The following FBXW7 variants were observed in gnomAD, a reference collection of about 807,000 sequenced individuals.
FBXW7 encodes the protein F-box/WD repeat-containing protein 7.
In FBXW7, 11 loss-of-function variants were observed where a neutral mutation model predicts 86.3. That is an observed-to-expected ratio of 0.13 (90% CI 0.08 to 0.21). FBXW7 has a LOEUF of 0.21. FBXW7 is among the 10% of genes least tolerant of loss of function. The probability of loss-of-function intolerance (pLI) is 1.00; values close to 1 mark genes in which losing one functional copy is unlikely to be tolerated. For synonymous variants in FBXW7, 313 were observed against 297.9 expected (o/e 1.05, Z -0.52); for missense variants, 488 against 847.4 (o/e 0.58, Z 5.27).
At chr4:152,496,919 T>C (rs1746401093) in intron 2 of FBXW7, among the ~76,000 whole-genome samples, 2 of 152,098 alleles carry the variant, frequency 1.3e-5, no homozygotes, top group South Asian at 4.1e-4. Context: ...CTATTAAAAT[T>C]AACACAATAT....
At chr4:152,524,930 AC>A (rs1749371458) in intron 2 of FBXW7, among the ~76,000 whole-genome samples, 1 of 152,188 alleles carries the variant, frequency 6.6e-6, no homozygotes, top group African/African-American at 2.4e-5. Flanking sequence ...CAATTAAGAG[AC>A]CACCAATCAT....
chr4:152,492,217 T>C (rs1327367076), intron 2 of FBXW7, among the ~76,000 whole-genome samples: 1 of 152,240 alleles, frequency 6.6e-6, no homozygotes, highest in Non-Finnish European at 1.5e-5. Flanking sequence ...CATTTGCCAT[T>C]CTGTAGTTCT....
chr4:152,372,040 T>A (rs2126739691), intron 4 of FBXW7, among the ~76,000 whole-genome samples: 1 of 151,988 alleles, frequency 6.6e-6, no homozygotes, highest in Middle Eastern at 3.4e-3. Flanking sequence ...ACTGGGACAA[T>A]TAAAAAAAAT....
chr4:152,408,363 A>G (rs1318338939), intron 4 of FBXW7, among the ~76,000 whole-genome samples: 1 of 152,220 alleles, frequency 6.6e-6, no homozygotes, highest in Non-Finnish European at 1.5e-5. Context: ...AAAATATGAT[A>G]AGGATGTTGA....
chr4:152,530,033 G>A (rs1187915320), intron 2 of FBXW7, among the ~76,000 whole-genome samples: 12 of 147,734 alleles, frequency 8.1e-5, no homozygotes, highest in Non-Finnish European at 3.0e-5. Flanking sequence ...TCCAGCCTGG[G>A]TGACAGAATG....
intron 2 of FBXW7, among the ~76,000 whole-genome samples, chr4:152,493,692 G>A (rs1746065571): frequency 6.6e-6 from 1 of 152,180 alleles, no homozygotes; most frequent in Non-Finnish European, 1.5e-5. Flanking sequence ...TGAGGACACA[G>A]CAAGAAGGCA....
chr4:152,455,999 G>A (rs1742369169), intron 2 of FBXW7, among the ~76,000 whole-genome samples: 1 of 151,738 alleles, frequency 6.6e-6, no homozygotes, highest in Non-Finnish European at 1.5e-5. Context: ...CATCTTTCAG[G>A]GGTCATTATT....
intron 2 of FBXW7, among the ~76,000 whole-genome samples, chr4:152,483,435 G>A (rs529761276): frequency 6.6e-6 from 1 of 151,324 alleles, no homozygotes; most frequent in Non-Finnish European, 1.5e-5. Context: ...TGGGCGTGGT[G>A]GCTAACACCT....
rs1728507086 is a variant in FBXW7 at position 152,320,738 on chromosome 4, G to A, written c.*2143C>T. Reference sequence around the variant, plus strand: ...ATGTATTTAGTCTTTGGAAATATGGGTTTGAGTTCTGGCATTCCGCTAGTT... The same window carrying A: ...ATGTATTTAGTCTTTGGAAATATGGATTTGAGTTCTGGCATTCCGCTAGTT... On this transcript the variant is annotated 3_prime_UTR_variant, in exon 14 of 14. Transcript: ENST00000281708. 1 of 151,994 alleles carries A rather than the reference G, an allele frequency of 6.6e-6. No individual in the cohort carries two copies. The highest frequency in any genetic ancestry group is 2.4e-5 in the African/African-American group (1 of 41,386). 9.4% of individuals were successfully genotyped at this position (151,994 alleles called of 1,614,324 possible).
chr4:152,498,706 A>G (rs553364687), intron 2 of FBXW7, among the ~76,000 whole-genome samples: 5 of 152,320 alleles, frequency 3.3e-5, no homozygotes, highest in Admixed American at 1.3e-4. Context: ...AATTCAGAGG[A>G]AGAAAAAAAT....
intron 10 of FBXW7, among the ~76,000 whole-genome samples, chr4:152,329,318 T>C (rs904027360): frequency 1.3e-5 from 2 of 151,860 alleles, no homozygotes; most frequent in Non-Finnish European, 2.9e-5. Context: ...AACCATACTT[T>C]TGAAAAACAT....
intron 13 of FBXW7, 29 bp from the exon 14 acceptor site, chr4:152,323,178 C>T (rs1417174834): frequency 6.2e-7 from 1 of 1,604,118 alleles, no homozygotes; most frequent in Non-Finnish European, 8.5e-7. Flanking sequence ...AATTTAATTA[C>T]TGGTTAGAAA....
At chr4:152,374,834 T>C (rs747293554) in intron 4 of FBXW7, among the ~76,000 whole-genome samples, 18 of 151,402 alleles carry the variant, frequency 1.2e-4, no homozygotes, top group Non-Finnish European at 2.2e-4. Flanking sequence ...GGAAAGGATG[T>C]AGAAAAACAG....
chr4:152,452,178 A>G (rs1741967075), intron 2 of FBXW7, among the ~76,000 whole-genome samples: 1 of 152,200 alleles, frequency 6.6e-6, no homozygotes, highest in African/African-American at 2.4e-5. Context: ...AATAAATTTA[A>G]TAAATGAAAA....
intron 2 of FBXW7, among the ~76,000 whole-genome samples, chr4:152,432,953 CATCATTTT>C (rs1740048185): frequency 6.6e-6 from 1 of 152,118 alleles, no homozygotes; most frequent in Admixed American, 6.5e-5. Flanking sequence ...GATTTTGAAA[CATCATTTT>C]TATATGATGT....
At chr4:152,484,143 A>G (rs911874806) in intron 2 of FBXW7, among the ~76,000 whole-genome samples, 14 of 152,154 alleles carry the variant, frequency 9.2e-5, no homozygotes, top group Non-Finnish European at 1.9e-4. Context: ...TATTTTCTTC[A>G]TACAAATCCT....
In FBXW7 at chr4:152,535,047, G is replaced by C. The variant is rs1338670290; in HGVS notation, c.-212-14C>G. The C allele has an allele frequency of 1.3e-5, 2 of 152,362 alleles. No homozygotes were observed. Among genetic ancestry groups the C allele is most frequent in the African/African-American group, 4.8e-5 (2 of 41,454 alleles). The allele number at this position is 152,362 out of a possible 1,614,324, so 9.4% of individuals were successfully genotyped here. On this transcript the variant is annotated splice_polypyrimidine_tract_variant and intron_variant, in intron 1 of 13. Transcript: ENST00000281708. ...TCCGGCGCGGTACTGAGGAAGAAGCGGTGCTCGTGTCGCTAAACCAGGCGG... is the reference window on the plus strand; with the variant it reads ...TCCGGCGCGGTACTGAGGAAGAAGCCGTGCTCGTGTCGCTAAACCAGGCGG...
chr4:152,367,213 C>T (rs1285355018), intron 4 of FBXW7, among the ~76,000 whole-genome samples: 1 of 152,030 alleles, frequency 6.6e-6, no homozygotes, highest in Non-Finnish European at 1.5e-5. Context: ...CAACATGGCA[C>T]ATGTATACAT....
chr4:152,369,138 G>T (rs998650256), intron 4 of FBXW7, among the ~76,000 whole-genome samples: 8 of 151,994 alleles, frequency 5.3e-5, no homozygotes, highest in Admixed American at 2.0e-4. Flanking sequence ...TACATCAGGA[G>T]AATTAATTAT....
Sources: allele counts gnomAD v4.1 joint callset (sites outside exome capture counted in the v4.1 genomes callset), GRCh38; gene constraint gnomAD v4.1.1; transcripts MANE v1.5; gene names NCBI Gene and HGNC (gene_info 2026-07-23, HGNC 2026-07-21).